Variants in NMD3 observed in about 807,000 individuals in gnomAD.
The protein encoded by NMD3 is NMD3 ribosome export adaptor, also known as 60S ribosomal export protein NMD3.
NMD3 carries 47 observed loss-of-function variants against 73.1 expected under a neutral mutation model. The observed-to-expected ratio is 0.64, with a 90% CI of 0.51 to 0.82. NMD3 has a LOEUF of 0.82. NMD3 is among the 40% of genes least tolerant of loss of function. NMD3 has a pLI of 0.00. For missense variants in NMD3, 554 were observed against 612.5 expected (o/e 0.90, Z 1.01); for synonymous variants, 210 against 194.5 (o/e 1.08, Z -0.66).
chr3:161,248,106 T>G (rs74285283), intron 13 of NMD3, among the ~76,000 whole-genome samples: 1 of 152,026 alleles, frequency 6.6e-6, no homozygotes, highest in East Asian at 1.9e-4. Flanking sequence ...TAATTTTTCT[T>G]GGTGGGGTAA....
intron 11 of NMD3, among the ~76,000 whole-genome samples, chr3:161,245,707 A>T (rs1457716774): frequency 6.6e-6 from 1 of 151,932 alleles, no homozygotes; most frequent in East Asian, 1.9e-4. Context: ...TTAGAAAGGG[A>T]ATTAATAGTT....
chr3:161,232,525 C>G (rs1199831701), intron 4 of NMD3, among the ~76,000 whole-genome samples: 2 of 152,056 alleles, frequency 1.3e-5, no homozygotes, highest in African/African-American at 4.8e-5. Flanking sequence ...TCATTATATC[C>G]ATTGTTTATT....
chr3:161,234,390 G>GT (rs886182673), intron 5 of NMD3, among the ~76,000 whole-genome samples: 2 of 151,110 alleles, frequency 1.3e-5, no homozygotes, highest in Non-Finnish European at 2.9e-5. Flanking sequence ...TCGTGCCACT[G>GT]TACTCCAGGC....
chr3:161,227,138 G>T, intron 3 of NMD3, 109 bp from the exon 4 acceptor site: 5 of 602,552 alleles, frequency 8.3e-6, no homozygotes, highest in Admixed American at 3.2e-5. Flanking sequence ...TATCATCCTT[G>T]GGTTTTATTA....
intron 14 of NMD3, among the ~76,000 whole-genome samples, 190 bp from the exon 15 acceptor site, chr3:161,250,066 A>G (rs944191570): frequency 3.9e-5 from 6 of 152,172 alleles, no homozygotes; most frequent in African/African-American, 1.4e-4. Context: ...TTATTGGATG[A>G]TTCAAAAAGT....
At chr3:161,233,809 G>A (rs769886253) in intron 5 of NMD3, among the ~76,000 whole-genome samples, 5 of 152,010 alleles carry the variant, frequency 3.3e-5, no homozygotes, top group Non-Finnish European at 7.4e-5. Context: ...ATGTGAGGCC[G>A]GGAATCTATA....
intron 12 of NMD3, among the ~76,000 whole-genome samples, chr3:161,246,908 A>T (rs1737232607): frequency 6.6e-6 from 1 of 150,600 alleles, no homozygotes; most frequent in Admixed American, 6.7e-5. Context: ...TTAGGATTTC[A>T]GTTTCTTTTA....
At chr3:161,243,212 G>T (rs895402305) in intron 11 of NMD3, among the ~76,000 whole-genome samples, 4 of 152,102 alleles carry the variant, frequency 2.6e-5, no homozygotes, top group African/African-American at 9.7e-5. Context: ...ACCTATGATA[G>T]AGTTTAATTT....
chr3:161,241,031 AGTTCT>A lies in NMD3; in HGVS notation c.754-14_754-10del. On this transcript the variant is annotated splice_polypyrimidine_tract_variant and intron_variant, in intron 9 of 15. Transcript: ENST00000351193. The stretch of plus-strand genomic sequence containing the variant: ...TAGGATATGCCTCATTCTAAATGTT[AGTTCT>A]TATGCCTAGGATAATGTTGTCTGTC... The A allele has an allele frequency of 6.6e-7, 1 of 1,504,278 alleles. No individual in the cohort carries two copies. Among genetic ancestry groups the A allele is most frequent in the Non-Finnish European group, 9.2e-7 (1 of 1,082,438 alleles). 93.2% of individuals were successfully genotyped at this position (1,504,278 alleles called of 1,614,324 possible). A position where few individuals can be genotyped will look rare whatever the true frequency, so the allele number is the denominator to read the frequency against.
chr3:161,244,624 C>T (rs1409622554), intron 11 of NMD3, among the ~76,000 whole-genome samples: 6 of 141,212 alleles, frequency 4.2e-5, no homozygotes, highest in African/African-American at 1.6e-4. Flanking sequence ...TCCTCCTCTC[C>T]CTTCATTTCT....
chr3:161,240,885 C>G (rs1202376488), intron 9 of NMD3, among the ~76,000 whole-genome samples, 161 bp from the exon 10 acceptor site: 2 of 151,526 alleles, frequency 1.3e-5, no homozygotes, highest in African/African-American at 4.9e-5. Flanking sequence ...GCCTGTCATA[C>G]TTAAGGTCTG....
chr3:161,235,321 C>T (rs111267349), intron 7 of NMD3, 109 bp downstream of exon 7: 2 of 408,090 alleles, frequency 4.9e-6, no homozygotes, highest in Non-Finnish European at 8.9e-6. Flanking sequence ...TCCAAAAGAA[C>T]TTTCTGTTAG....
At chr3:161,247,811 G>A (rs1737290194) in intron 13 of NMD3, among the ~76,000 whole-genome samples, 1 of 151,756 alleles carries the variant, frequency 6.6e-6, no homozygotes, top group Non-Finnish European at 1.5e-5. Flanking sequence ...AAAGAAATGG[G>A]AGTCTTGCTT....
rs1009271556 is a variant in NMD3 at position 161,251,287 on chromosome 3, A to G, written c.*377A>G. The stretch of plus-strand genomic sequence containing the variant: ...TCAAGCAAAAACACATTTTTACATT[A>G]TTTTTACGTTGATTATTTTAGTGAA... On this transcript the variant is annotated 3_prime_UTR_variant, in exon 16 of 16. Transcript: ENST00000351193. The G allele has an allele frequency of 1.3e-5, 2 of 153,744 alleles. No individual in the cohort carries two copies. The highest frequency in any genetic ancestry group is 4.8e-5 in the African/African-American group (2 of 41,482). 9.5% of individuals were successfully genotyped at this position (153,744 alleles called of 1,614,324 possible).
rs752951031 is a variant in NMD3, at chr3:161,238,752, A to C, written c.679A>C (p.Ile227Leu). The C allele has an allele frequency of 6.4e-7, 1 of 1,569,798 alleles. No homozygotes were observed. The highest frequency in any genetic ancestry group is 2.3e-5 in the East Asian group (1 of 44,408). Residue 227 changes from isoleucine to leucine, a missense_variant, in exon 9 of 16, where the codon ATC becomes CTC. Coordinates refer to ENST00000351193, the MANE Select transcript of NMD3 (RefSeq NM_015938.5). ...TAGATACAAAGCATCACAAAGACTGATCTCTCAAGATATCCATAGTAACAC... is the reference window on the plus strand; with the variant it reads ...TAGATACAAAGCATCACAAAGACTGCTCTCTCAAGATATCCATAGTAACAC... ...PCRYKASQRL[I>L]SQDIHSNTYN...
intron 7 of NMD3, among the ~76,000 whole-genome samples, chr3:161,236,908 C>G (rs1188993393): frequency 6.6e-6 from 1 of 152,132 alleles, no homozygotes; most frequent in Non-Finnish European, 1.5e-5. Flanking sequence ...TCCCATTGAT[C>G]TATATATCTA....
At chr3:161,240,198 T>C (rs1344883406) in intron 9 of NMD3, among the ~76,000 whole-genome samples, 1 of 152,224 alleles carries the variant, frequency 6.6e-6, no homozygotes, top group South Asian at 2.1e-4. Context: ...ATAACTCAGA[T>C]CTTTTTTGTA....
At chr3:161,232,819 C>T (rs899239392) in intron 4 of NMD3, among the ~76,000 whole-genome samples, 4 of 152,174 alleles carry the variant, frequency 2.6e-5, no homozygotes, top group African/African-American at 9.7e-5. Flanking sequence ...CCCACCCACC[C>T]CTTCTCCCCA....
intron 1 of NMD3, 67 bp from the exon 2 acceptor site, chr3:161,221,927 C>T (rs553336489): frequency 1.8e-4 from 175 of 951,720 alleles, no homozygotes; most frequent in Admixed American, 5.4e-4. Context: ...AAAGAGGAGA[C>T]TAGGTAAAGT....
Sources: gnomAD v4.1 joint callset for allele counts (sites outside exome capture counted in the v4.1 genomes callset) on GRCh38, gnomAD v4.1.1 for gene constraint, MANE v1.5 for transcripts, NCBI Gene and HGNC (gene_info 2026-07-23, HGNC 2026-07-21) for gene names.